The following DLGAP2 variants were observed in gnomAD, a reference collection of about 807,000 sequenced individuals.
DLGAP2 encodes DLG associated protein 2.
DLGAP2 carries 26 observed loss-of-function variants against 100.3 expected under a neutral mutation model. The observed-to-expected ratio is 0.26, with a 90% CI of 0.19 to 0.36. The LOEUF (loss-of-function observed/expected upper bound fraction) is 0.36. Ranked by LOEUF, DLGAP2 falls within the 10% of genes least tolerant of loss-of-function variation. The probability of loss-of-function intolerance (pLI) is 1.00; values close to 1 mark genes in which losing one functional copy is unlikely to be tolerated. For missense variants in DLGAP2, 1,858 were observed against 1,453.2 expected (o/e 1.28, Z -4.53); for synonymous variants, 886 against 630.1 (o/e 1.41, Z -6.08).
At chr8:921,854 C>G (rs974625962) in intron 2 of DLGAP2, among the ~76,000 whole-genome samples, 1 of 152,262 alleles carries the variant, frequency 6.6e-6, no homozygotes, top group Non-Finnish European at 1.5e-5. Flanking sequence ...CCGCTGGTCT[C>G]TGCTCTCCTC....
chr8:1,233,779 A>G (rs940815505), intron 2 of DLGAP2, among the ~76,000 whole-genome samples: 1 of 152,142 alleles, frequency 6.6e-6, no homozygotes, highest in African/African-American at 2.4e-5. Flanking sequence ...TGGGAGCTGT[A>G]CTCCCTACTT....
intron 3 of DLGAP2, among the ~76,000 whole-genome samples, chr8:1,377,061 T>C (rs1329931640): frequency 2.0e-5 from 3 of 152,176 alleles, no homozygotes; most frequent in East Asian, 3.9e-4. Flanking sequence ...TACATTAGAA[T>C]AGGGCAGTGA....
At chr8:985,462 A>G (rs1172638628) in intron 2 of DLGAP2, among the ~76,000 whole-genome samples, 1 of 152,276 alleles carries the variant, frequency 6.6e-6, no homozygotes. Flanking sequence ...TCCATGTGCC[A>G]GCACATCCGT....
At chr8:805,466 C>T (rs1295764035) in intron 1 of DLGAP2, among the ~76,000 whole-genome samples, 4 of 152,148 alleles carry the variant, frequency 2.6e-5, no homozygotes, top group Non-Finnish European at 5.9e-5. Flanking sequence ...ATCTAAAGAT[C>T]TTCCCTGAAA....
At chr8:1,149,513 A>G (rs1255908587) in intron 2 of DLGAP2, among the ~76,000 whole-genome samples, 5 of 152,258 alleles carry the variant, frequency 3.3e-5, no homozygotes, top group South Asian at 4.1e-4. Flanking sequence ...ATTTTAGTAT[A>G]TATCAGTTTT....
At chr8:1,685,456 T>A (rs759008491) in intron 12 of DLGAP2, among the ~76,000 whole-genome samples, 3 of 152,208 alleles carry the variant, frequency 2.0e-5, no homozygotes, top group Non-Finnish European at 4.4e-5. Flanking sequence ...CCAGACCTCC[T>A]GGGAGATGCA....
At chr8:741,862 T>C (rs1820495878) in intron 1 of DLGAP2, among the ~76,000 whole-genome samples, 1 of 152,104 alleles carries the variant, frequency 6.6e-6, no homozygotes, top group Non-Finnish European at 1.5e-5. Flanking sequence ...AGAGGAAAGC[T>C]TTAGGAAAAA....
chr8:1,182,826 G>A (rs1440422962), intron 2 of DLGAP2, among the ~76,000 whole-genome samples: 1 of 152,202 alleles, frequency 6.6e-6, no homozygotes, highest in Non-Finnish European at 1.5e-5. Context: ...CTGGGCAGTG[G>A]CGCGTGGGGG....
intron 3 of DLGAP2, among the ~76,000 whole-genome samples, chr8:1,425,161 T>C (rs1390077526): frequency 1.3e-5 from 2 of 152,214 alleles, no homozygotes; most frequent in Admixed American, 1.3e-4. Context: ...ATTTTTAAAT[T>C]TATAAATTAT....
chr8:1,590,949 G>T (rs1796271935), intron 6 of DLGAP2, among the ~76,000 whole-genome samples: 1 of 152,216 alleles, frequency 6.6e-6, no homozygotes, highest in Admixed American at 6.5e-5. Flanking sequence ...CTTCAATGGT[G>T]TTGGAGGACC....
At chr8:1,311,243 T>C (rs1327410744) in intron 3 of DLGAP2, among the ~76,000 whole-genome samples, 1 of 151,942 alleles carries the variant, frequency 6.6e-6, no homozygotes, top group Admixed American at 6.6e-5. Flanking sequence ...AGATAAAAAA[T>C]CTCAACAGAT....
At chr8:1,332,623 C>T (rs186732397) in intron 3 of DLGAP2, among the ~76,000 whole-genome samples, 2 of 152,318 alleles carry the variant, frequency 1.3e-5, no homozygotes, top group African/African-American at 4.8e-5. Context: ...TCACCCCCTC[C>T]AGGTCACACG....
At chr8:1,676,126 T>TAA (rs1798805668) in intron 10 of DLGAP2, among the ~76,000 whole-genome samples, 1 of 152,246 alleles carries the variant, frequency 6.6e-6, no homozygotes, top group Admixed American at 6.5e-5. Context: ...GCCATCAGTA[T>TAA]AAGTCTTTTA....
chr8:1,099,601 G>A (rs1383753579), intron 2 of DLGAP2, among the ~76,000 whole-genome samples: 3 of 152,198 alleles, frequency 2.0e-5, no homozygotes, highest in Non-Finnish European at 4.4e-5. Context: ...GTGTTCGGAT[G>A]TGTTTCTATG....
chr8:1,316,719 G>C (rs1033876739), intron 3 of DLGAP2, among the ~76,000 whole-genome samples: 2 of 135,024 alleles, frequency 1.5e-5, no homozygotes, highest in African/African-American at 5.7e-5. Context: ...TCCCATAGTG[G>C]TCTACACTCG....
chr8:1,351,709 G>A (rs1801730620), intron 3 of DLGAP2, among the ~76,000 whole-genome samples: 1 of 66,100 alleles, frequency 1.5e-5, no homozygotes, highest in Admixed American at 1.7e-4. Flanking sequence ...GCGTGGAAAG[G>A]CCATGCGGGT....
chr8:1,134,210 T>A (rs538204231), intron 2 of DLGAP2, among the ~76,000 whole-genome samples: 32 of 152,246 alleles, frequency 2.1e-4, no homozygotes, highest in Non-Finnish European at 4.4e-4. Context: ...ATGGTATACA[T>A]GTACCACATT....
intron 4 of DLGAP2, among the ~76,000 whole-genome samples, chr8:1,547,812 T>G (rs1039220884): frequency 6.6e-6 from 1 of 152,158 alleles, no homozygotes; most frequent in Admixed American, 6.5e-5. Context: ...GAGGCACAGC[T>G]GCCCCCACAC....
intron 12 of DLGAP2, among the ~76,000 whole-genome samples, chr8:1,688,775 T>C (rs141140772): frequency 1.4e-4 from 21 of 152,194 alleles, no homozygotes; most frequent in Non-Finnish European, 1.8e-4. Context: ...ATGGTACAGA[T>C]TGCCAGACCT....
Sources: gnomAD v4.1 joint callset for allele counts (sites outside exome capture counted in the v4.1 genomes callset) on GRCh38, gnomAD v4.1.1 for gene constraint, MANE v1.5 for transcripts, NCBI Gene and HGNC (gene_info 2026-07-23, HGNC 2026-07-21) for gene names.